The following CDRT4 variants were observed in gnomAD, a reference collection of about 807,000 sequenced individuals.
The protein encoded by CDRT4 is CMT1A duplicated region transcript 4, also known as CMT1A duplicated region transcript 4 protein.
For synonymous variants in CDRT4, 64 were observed against 69.6 expected (o/e 0.92, Z 0.40); for missense variants, 167 against 193.1 (o/e 0.87, Z 0.80).
At chr17:15,456,478 A>C (rs1328145754) in intron 1 of CDRT4, among the ~76,000 whole-genome samples, 1 of 151,828 alleles carries the variant, frequency 6.6e-6, no homozygotes, top group Non-Finnish European at 1.5e-5. Flanking sequence ...CTGTCATAGG[A>C]CTATTTTATT....
At chr17:15,465,609 C>T (rs1980001271) in intron 1 of CDRT4, among the ~76,000 whole-genome samples, 1 of 152,016 alleles carries the variant, frequency 6.6e-6, no homozygotes, top group Non-Finnish European at 1.5e-5. Flanking sequence ...CACACATACA[C>T]CAGCACAGAG....
In CDRT4 at chr17:15,464,640, CA is replaced by C. The variant is rs1979912899; in HGVS notation, c.-130+2819del. Among the ~76,000 whole-genome samples, 1 of 152,082 alleles carries C rather than the reference CA, an allele frequency of 6.6e-6. No individual in the cohort carries two copies. Among genetic ancestry groups the C allele is most frequent in the Non-Finnish European group, 1.5e-5 (1 of 68,000 alleles). Reference sequence around the variant, plus strand: ...TCTGCTCCCCTCTCCAGCACTTTTCCAAATGTCCCTCCTTATGCACCCTTCC... The same window carrying C: ...TCTGCTCCCCTCTCCAGCACTTTTCCAATGTCCCTCCTTATGCACCCTTCC... On this transcript the variant is annotated intron_variant, in intron 1 of 3. Coordinates refer to ENST00000619038, the MANE Select transcript of CDRT4 (RefSeq NM_001204477.2). This position sits in a 1 kb window ranked among gnomAD's most constrained non-coding sequence, Gnocchi z 4.5.
chr17:15,446,089 C>A (rs1979011193), intron 2 of CDRT4, among the ~76,000 whole-genome samples: 1 of 151,598 alleles, frequency 6.6e-6, no homozygotes, highest in Non-Finnish European at 1.5e-5. Context: ...TGGAAAGATG[C>A]TCCTGAGCAA....
chr17:15,440,690 T>A (rs1277124502), intron 2 of CDRT4, among the ~76,000 whole-genome samples: 3 of 152,124 alleles, frequency 2.0e-5, no homozygotes, highest in African/African-American at 7.2e-5. Flanking sequence ...AAGCACGACA[T>A]CCAACCTGCA....
At position 15,462,181 on chromosome 17, in the gene CDRT4, C is replaced by T. The variant is rs573641089; in HGVS notation, c.-130+5279G>A. ...GTGGTCGTCACGCCTGTAATCCCAG[C>T]ACTTTGGGAGGCCGAGGCAGGCAGA... On this transcript the variant is annotated intron_variant, in intron 1 of 3. Coordinates refer to ENST00000619038, the MANE Select transcript of CDRT4 (RefSeq NM_001204477.2). Among the ~76,000 whole-genome samples, 84 of 152,026 alleles carry T rather than the reference C, an allele frequency of 5.5e-4. 1 individual carries two copies. The highest frequency in any genetic ancestry group is 3.7e-3 in the Admixed American group (57 of 15,284).
At position 15,440,681 on chromosome 17, in the gene CDRT4, A is replaced by G. The variant is rs187136667; in HGVS notation, c.-47-396T>C. Reference sequence around the variant, plus strand: ...GTCCAAGAGTGGTCACATTACTACAAGCACGACATCCAACCTGCACTTCTC... The same window carrying G: ...GTCCAAGAGTGGTCACATTACTACAGGCACGACATCCAACCTGCACTTCTC... On this transcript the variant is annotated intron_variant, in intron 2 of 3. Transcript: ENST00000619038. 3.4e-4 allele frequency among the ~76,000 whole-genome samples: 52 copies of G among 152,358 alleles called. No homozygotes were observed. In the East Asian group the frequency reaches 8.3e-3, roughly 24 times the overall value.
intron 2 of CDRT4, chr17:15,452,638 A>G (rs1597463914): frequency 6.6e-6 from 1 of 152,374 alleles, no homozygotes; most frequent in South Asian, 2.1e-4. Context: ...TGCCTCCCTC[A>G]TAATGATTAT....
intron 2 of CDRT4, among the ~76,000 whole-genome samples, chr17:15,442,980 G>A (rs1288302098): frequency 6.6e-6 from 1 of 152,166 alleles, no homozygotes; most frequent in Non-Finnish European, 1.5e-5. Context: ...TGACGGGAGG[G>A]GCAGGAGGCA....
chr17:15,445,430 A>G (rs1978981422), intron 2 of CDRT4, among the ~76,000 whole-genome samples: 1 of 152,182 alleles, frequency 6.6e-6, no homozygotes. Flanking sequence ...AGTCTGATAT[A>G]TGTTAACTTG....
At chr17:15,440,319 C>A (rs1219613879) in intron 2 of CDRT4, 34 bp from the exon 3 acceptor site, 21 of 1,602,530 alleles carry the variant, frequency 1.3e-5, no homozygotes, top group Non-Finnish European at 1.8e-5. Flanking sequence ...CCAGAGCCTC[C>A]TCAAACTGGA....
At chr17:15,452,935 A>T (rs1979328092) in intron 2 of CDRT4, 69 bp downstream of exon 2, 1 of 152,106 alleles carries the variant, frequency 6.6e-6, no homozygotes, top group Non-Finnish European at 1.5e-5. Context: ...AAATCCTTAC[A>T]TTCCAAGCAA....
At chr17:15,440,116 G>A (rs1027082607) in intron 3 of CDRT4, 92 bp downstream of exon 3, 9 of 1,167,676 alleles carry the variant, frequency 7.7e-6, no homozygotes, top group African/African-American at 1.6e-5. Flanking sequence ...AAAAAAAAGA[G>A]TGGCCGCCCA....
At chr17:15,457,109 A>G (rs1979520920) in intron 1 of CDRT4, among the ~76,000 whole-genome samples, 1 of 152,140 alleles carries the variant, frequency 6.6e-6, no homozygotes, top group African/African-American at 2.4e-5. Context: ...CTCCTGGGTA[A>G]AAATGAGGAT....
At chr17:15,460,128 G>A (rs1979681502) in intron 1 of CDRT4, among the ~76,000 whole-genome samples, 1 of 152,100 alleles carries the variant, frequency 6.6e-6, no homozygotes, top group Admixed American at 6.5e-5. Context: ...TCTCCTCAAA[G>A]ATAGTTTATA....
intron 1 of CDRT4, among the ~76,000 whole-genome samples, chr17:15,465,067 G>GAC (rs1979943497): frequency 8.1e-6 from 1 of 123,264 alleles, no homozygotes; most frequent in South Asian, 2.7e-4. Flanking sequence ...CACCAACACA[G>GAC]ACACACACCA....
intron 2 of CDRT4, among the ~76,000 whole-genome samples, chr17:15,448,424 C>G (rs73287766): frequency 3.7e-4 from 56 of 152,276 alleles, no homozygotes; most frequent in African/African-American, 1.3e-3. Context: ...TGAGAAATTG[C>G]CAGAAAGCAA....
At chr17:15,443,446 A>ATTTT (rs34178494) in intron 2 of CDRT4, among the ~76,000 whole-genome samples, 2 of 125,392 alleles carry the variant, frequency 1.6e-5, no homozygotes, top group African/African-American at 6.0e-5. Context: ...TAGCTGGATA[A>ATTTT]TTTTTTTTTT....
intron 1 of CDRT4, among the ~76,000 whole-genome samples, chr17:15,465,285 C>T (rs1315888889): frequency 7.2e-6 from 1 of 139,848 alleles, no homozygotes; most frequent in African/African-American, 2.8e-5. Context: ...CACAAACACA[C>T]ACCAACACCA....
In CDRT4 at chr17:15,437,740, T is replaced by A. The variant is rs766213090; in HGVS notation, c.*33A>T. On this transcript the variant is annotated 3_prime_UTR_variant, in exon 4 of 4. Coordinates refer to ENST00000619038, the MANE Select transcript of CDRT4 (RefSeq NM_001204477.2). ...CTTGGGGAATGGCTGCAGGGACCCC[T>A]GGCTAAAACATTTGCATGTTTCTCC... The A allele has an allele frequency of 6.2e-7, 1 of 1,602,152 alleles. No individual in the cohort carries two copies. The highest frequency in any genetic ancestry group is 1.7e-5 in the Admixed American group (1 of 59,528).
Sources: allele counts gnomAD v4.1 joint callset (sites outside exome capture counted in the v4.1 genomes callset), GRCh38; gene constraint gnomAD v4.1.1; non-coding constraint Gnocchi (gnomAD v3.1); transcripts MANE v1.5; gene names NCBI Gene and HGNC (gene_info 2026-07-23, HGNC 2026-07-21).